RSF1: variants seen among roughly 807,000 people sequenced by gnomAD.
The protein encoded by RSF1 is HBV pX-associated protein 8.
RSF1 carries 13 observed loss-of-function variants against 145.2 expected under a neutral mutation model. The ratio of observed to expected loss-of-function variants is 0.09; its 90% CI spans 0.06 to 0.14. The LOEUF is 0.14. RSF1 is among the 10% of genes least tolerant of loss of function. The pLI is 1.00. For missense variants in RSF1, 1,517 were observed against 1,718.2 expected (o/e 0.88, Z 2.07); for synonymous variants, 577 against 592.6 (o/e 0.97, Z 0.38).
At chr11:77,779,422 G>A (rs1948381240) in intron 1 of RSF1, among the ~76,000 whole-genome samples, 1 of 147,564 alleles carries the variant, frequency 6.8e-6, no homozygotes, top group South Asian at 2.2e-4. Flanking sequence ...CACTCTTGTT[G>A]CCCAGGCTGG....
chr11:77,785,628 G>A (rs1184306900), intron 1 of RSF1, among the ~76,000 whole-genome samples: 1 of 151,616 alleles, frequency 6.6e-6, no homozygotes, highest in Non-Finnish European at 1.5e-5. Flanking sequence ...AATTAAAGAT[G>A]TGTACTTGAG....
Position 77,667,372 on chromosome 11 carries a change from C to T in RSF1, c.3871G>A (p.Glu1291Lys). 6.2e-7 allele frequency: 1 copy of T among 1,613,970 alleles called. No homozygotes were observed. The highest frequency in any genetic ancestry group is 8.5e-7 in the Non-Finnish European group (1 of 1,179,932). The change falls in exon 16 of 16, where the codon GAG (glutamate) becomes AAG (lysine). Residue 1291 changes from glutamate to lysine, a missense_variant. Physicochemically the swap from Glu to Lys is moderately conservative, Grantham distance 56. This residue lies in a region of RSF1 where 240 missense variants were observed against 231.8 expected (regional missense o/e 1.04). Coordinates refer to ENST00000308488, the MANE Select transcript of RSF1 (RefSeq NM_016578.4). ...CGTTTGCGGGATGGTTTGCCTTCCTCTTCCTCCTCCTCCTCATCTGCTTCT... is the reference window on the plus strand; with the variant it reads ...CGTTTGCGGGATGGTTTGCCTTCCTTTTCCTCCTCCTCCTCATCTGCTTCT... The part of the protein sequence containing the change: ...YSEADEEEEE[E>K]EGKPSRKRLH...
the RSF1 span, among the ~76,000 whole-genome samples, chr11:77,855,110 C>A: frequency 1.3e-4 from 20 of 152,290 alleles, no homozygotes; most frequent in African/African-American, 4.8e-4. Flanking sequence ...TGACCTGAGG[C>A]TGCACAGAGC....
At chr11:77,782,358 T>A (rs1213968721) in intron 1 of RSF1, among the ~76,000 whole-genome samples, 2 of 152,132 alleles carry the variant, frequency 1.3e-5, no homozygotes, top group African/African-American at 4.8e-5. Flanking sequence ...CAGGCCAACA[T>A]GGCAAAACCC....
At chr11:77,806,189 T>TATA (rs1948675336) in intron 1 of RSF1, among the ~76,000 whole-genome samples, 1 of 151,432 alleles carries the variant, frequency 6.6e-6, no homozygotes, top group Non-Finnish European at 1.5e-5. Context: ...GTGAAGATCA[T>TATA]ATAAATCCAT....
chr11:77,687,685 G>A (rs1435020678), intron 9 of RSF1, among the ~76,000 whole-genome samples: 2 of 152,108 alleles, frequency 1.3e-5, no homozygotes, highest in Non-Finnish European at 2.9e-5. Context: ...GGGTGACAAA[G>A]CGAGACTCTG....
At chr11:77,765,056 C>T (rs1194376729) in intron 1 of RSF1, among the ~76,000 whole-genome samples, 4 of 151,762 alleles carry the variant, frequency 2.6e-5, no homozygotes, top group Non-Finnish European at 5.9e-5. Context: ...AGTATGGGGA[C>T]AGGGATACAT....
intron 6 of RSF1, 32 bp downstream of exon 6, chr11:77,700,689 A>G (rs1447393752): frequency 6.8e-7 from 1 of 1,480,458 alleles, no homozygotes; most frequent in Middle Eastern, 2.1e-4. Flanking sequence ...ATAGAGACAA[A>G]TATTTTTAAT....
chr11:77,864,412 C>G, the RSF1 span, among the ~76,000 whole-genome samples: 2 of 151,690 alleles, frequency 1.3e-5, no homozygotes, highest in Admixed American at 6.6e-5. Context: ...TGCACTCCAG[C>G]CTGGGCAACA....
At chr11:77,765,818 G>T (rs1408081054) in intron 1 of RSF1, among the ~76,000 whole-genome samples, 7 of 152,100 alleles carry the variant, frequency 4.6e-5, no homozygotes, top group Non-Finnish European at 1.0e-4. Context: ...CACAATCTTG[G>T]CTCACTGTAA....
In RSF1 at chr11:77,664,068, TTG is replaced by T. The variant is rs1426935763; in HGVS notation, c.*2847_*2848del. ...CTTTCTGCAGTTCGTAGTGACTGTA[TTG>T]TCTTTGTATACAGAACATTTCGTTT... is the stretch of plus-strand genomic sequence containing the variant. On this transcript the variant is annotated 3_prime_UTR_variant, in exon 16 of 16. Transcript: ENST00000308488. 1.3e-5 allele frequency: 2 copies of T among 152,214 alleles called. No homozygotes were observed. The highest frequency in any genetic ancestry group is 1.3e-4 in the Admixed American group (2 of 15,268). The allele number at this position is 152,214 out of a possible 1,614,324, so 9.4% of individuals were successfully genotyped here.
At chr11:77,691,275 A>C (rs774192793) in intron 8 of RSF1, 37 bp from the exon 9 acceptor site, 1 of 1,579,244 alleles carries the variant, frequency 6.3e-7, no homozygotes, top group South Asian at 1.1e-5. Context: ...ATTTTAAACA[A>C]CTTTTAGCAA....
chr11:77,770,540 T>C (rs1025356317), intron 1 of RSF1, among the ~76,000 whole-genome samples: 3 of 152,010 alleles, frequency 2.0e-5, no homozygotes, highest in African/African-American at 7.3e-5. Context: ...TGGAAAAAAA[T>C]AAATCCAAGA....
At chr11:77,683,256 A>T (rs969919615) in intron 11 of RSF1, among the ~76,000 whole-genome samples, 1 of 152,120 alleles carries the variant, frequency 6.6e-6, no homozygotes, top group South Asian at 2.1e-4. Context: ...GTGCCACTGC[A>T]CTCCAGCCTG....
intron 1 of RSF1, among the ~76,000 whole-genome samples, chr11:77,772,585 CACTAGAAAGTCAG>C (rs1465148679): frequency 6.6e-6 from 1 of 151,946 alleles, no homozygotes; most frequent in African/African-American, 2.4e-5. Flanking sequence ...TTACAAAAAG[CACTAGAAAGTCAG>C]GAGAGAGGGG....
chr11:77,824,771 T>G (rs776904038), upstream of RSF1, among the ~76,000 whole-genome samples: 2 of 152,228 alleles, frequency 1.3e-5, no homozygotes, highest in South Asian at 4.1e-4. Context: ...TATATCTTGA[T>G]TGGCAAGTTT....
At chr11:77,865,216 T>G in the RSF1 span, among the ~76,000 whole-genome samples, 1 of 152,218 alleles carries the variant, frequency 6.6e-6, no homozygotes, top group Non-Finnish European at 1.5e-5. Flanking sequence ...GCATGATTAC[T>G]TAGTGTGAAG....
intron 2 of RSF1, among the ~76,000 whole-genome samples, chr11:77,758,173 T>C (rs1487020392): frequency 6.6e-6 from 1 of 151,064 alleles, no homozygotes; most frequent in East Asian, 1.9e-4. Flanking sequence ...AGATTCAGAT[T>C]GTACATGTAT....
At chr11:77,791,909 C>T (rs955624067) in intron 1 of RSF1, among the ~76,000 whole-genome samples, 7 of 152,202 alleles carry the variant, frequency 4.6e-5, no homozygotes, top group Non-Finnish European at 1.0e-4. Context: ...AATGTTCCAA[C>T]CTCTGCCTGT....
Sources: gnomAD v4.1 joint callset for allele counts (sites outside exome capture counted in the v4.1 genomes callset) on GRCh38, gnomAD v4.1.1 for gene constraint, gnomAD v4.1.1 regional missense constraint, MANE v1.5 for transcripts, NCBI Gene and HGNC (gene_info 2026-07-23, HGNC 2026-07-21) for gene names.